Variants in PDZRN4 observed in about 807,000 individuals in gnomAD.
PDZRN4 encodes PDZ domain-containing RING finger protein 4.
In PDZRN4, 70 loss-of-function variants were observed where a neutral mutation model predicts 99.0. That is an observed-to-expected ratio of 0.71 (90% CI 0.58 to 0.86). The LOEUF (loss-of-function observed/expected upper bound fraction) is 0.86. Among genes scored for constraint, PDZRN4 ranks in the 40% least tolerant of loss-of-function variants. The pLI is 0.00. For synonymous variants in PDZRN4, 551 were observed against 501.6 expected (o/e 1.10, Z -1.32); for missense variants, 1,474 against 1,331.2 (o/e 1.11, Z -1.67).
chr12:41,476,310 C>G (rs1312678054), intron 3 of PDZRN4, among the ~76,000 whole-genome samples: 2 of 152,176 alleles, frequency 1.3e-5, no homozygotes, highest in African/African-American at 2.4e-5. Flanking sequence ...GTATGCATTG[C>G]TAAAGAAACA....
At chr12:41,429,755 G>C (rs1361047006) in intron 3 of PDZRN4, among the ~76,000 whole-genome samples, 1 of 139,754 alleles carries the variant, frequency 7.2e-6, no homozygotes, top group Non-Finnish European at 1.5e-5. Flanking sequence ...TATAGTGCTG[G>C]AACAATGGCA....
At position 41,327,120 on chromosome 12, in the gene PDZRN4, T is replaced by G. The variant is rs149812816; in HGVS notation, c.843+132932T>G. Among the ~76,000 whole-genome samples the G allele has an allele frequency of 3.5e-3, 534 of 152,312 alleles. 4 individuals are homozygous for G. The highest frequency in any genetic ancestry group is 0.014 in the Middle Eastern group (4 of 294). ...TTAAGAAGGCTTTGTTTCTTTCGAATTTGAGTACATATTCTCCATTTTGCT... is the reference window on the plus strand; with the variant it reads ...TTAAGAAGGCTTTGTTTCTTTCGAAGTTGAGTACATATTCTCCATTTTGCT... On this transcript the variant is annotated intron_variant, in intron 3 of 9. Coordinates refer to ENST00000402685, the MANE Select transcript of PDZRN4 (RefSeq NM_001164595.2).
At chr12:41,559,825 A>G (rs1939236798) in intron 7 of PDZRN4, among the ~76,000 whole-genome samples, 1 of 152,132 alleles carries the variant, frequency 6.6e-6, no homozygotes, top group Non-Finnish European at 1.5e-5. Flanking sequence ...GGTTACTCCC[A>G]TGCTGTTCTC....
chr12:41,333,352 G>A (rs1283870076), intron 3 of PDZRN4, among the ~76,000 whole-genome samples: 3 of 151,986 alleles, frequency 2.0e-5, no homozygotes, highest in East Asian at 1.9e-4. Context: ...CCTCACGACC[G>A]CCACCCCCAA....
chr12:41,197,831 T>C (rs1399504708), intron 3 of PDZRN4, among the ~76,000 whole-genome samples: 1 of 152,080 alleles, frequency 6.6e-6, no homozygotes, highest in Non-Finnish European at 1.5e-5. Flanking sequence ...GGGAGGGAGT[T>C]GAGAAACAAA....
At chr12:41,451,955 A>G (rs1285028408) in intron 3 of PDZRN4, among the ~76,000 whole-genome samples, 7 of 152,200 alleles carry the variant, frequency 4.6e-5, no homozygotes, top group Non-Finnish European at 8.8e-5. Flanking sequence ...CTTTCTGGCC[A>G]GTATTATCTG....
At chr12:41,364,406 G>C (rs2066205513) in intron 3 of PDZRN4, among the ~76,000 whole-genome samples, 1 of 151,956 alleles carries the variant, frequency 6.6e-6, no homozygotes, top group Non-Finnish European at 1.5e-5. Context: ...GATGAAGTGG[G>C]GTGACAGGGC....
chr12:41,406,115 T>G (rs1952347137), intron 3 of PDZRN4, among the ~76,000 whole-genome samples: 1 of 152,200 alleles, frequency 6.6e-6, no homozygotes, highest in Admixed American at 6.5e-5. Flanking sequence ...ATTTCAATAA[T>G]AAAAAACATT....
chr12:41,517,394 AG>A (rs2120704406), intron 5 of PDZRN4, among the ~76,000 whole-genome samples: 1 of 152,218 alleles, frequency 6.6e-6, no homozygotes, highest in Non-Finnish European at 1.5e-5. Flanking sequence ...TGTCTGTGAA[AG>A]GTTGTGTTTA....
intron 5 of PDZRN4, among the ~76,000 whole-genome samples, chr12:41,533,777 C>T (rs1232342474): frequency 6.6e-6 from 1 of 151,958 alleles, no homozygotes; most frequent in African/African-American, 2.4e-5. Context: ...ATCTTTTGTT[C>T]TATTTACACT....
chr12:41,188,736 T>A lies in PDZRN4; in HGVS notation c.281T>A (p.Leu94Gln), dbSNP rs1291331052. The A allele has an allele frequency of 6.5e-7, 1 of 1,544,832 alleles. No individual in the cohort carries two copies. Among genetic ancestry groups the A allele is most frequent in the Admixed American group, 1.8e-5 (1 of 54,660 alleles). Reference sequence around the variant, plus strand: ...CGCGGCTGCGGCCACTCGGTCAGGCTGCACGAGCTGGAGGCGCACGTCGAG... The same window carrying A: ...CGCGGCTGCGGCCACTCGGTCAGGCAGCACGAGCTGGAGGCGCACGTCGAG... ...RARGCGHSVR[L>Q]HELEAHVEHC... The change falls in exon 1 of 10, where the codon CTG becomes CAG. Residue 94 changes from leucine to glutamine, a missense_variant. Coordinates refer to ENST00000402685, the MANE Select transcript of PDZRN4 (RefSeq NM_001164595.2).
chr12:41,452,655 G>A (rs372331203), intron 3 of PDZRN4, among the ~76,000 whole-genome samples: 2 of 152,040 alleles, frequency 1.3e-5, no homozygotes, highest in South Asian at 2.1e-4. Flanking sequence ...TTTACTTAAA[G>A]TGTTAAATGC....
intron 3 of PDZRN4, among the ~76,000 whole-genome samples, chr12:41,261,343 C>G (rs1406913119): frequency 1.3e-5 from 2 of 152,166 alleles, no homozygotes; most frequent in Non-Finnish European, 2.9e-5. Context: ...AAGCCCCATT[C>G]CATGTGGATT....
intron 5 of PDZRN4, among the ~76,000 whole-genome samples, chr12:41,518,039 C>A (rs1437102962): frequency 2.6e-5 from 4 of 151,990 alleles, no homozygotes; most frequent in Non-Finnish European, 5.9e-5. Flanking sequence ...TTTAAAAATA[C>A]AGAAAATAAT....
chr12:41,324,501 T>C (rs915296917), intron 3 of PDZRN4, among the ~76,000 whole-genome samples: 2 of 152,094 alleles, frequency 1.3e-5, no homozygotes, highest in Admixed American at 6.6e-5. Flanking sequence ...CTACATATTT[T>C]CTCTTGTGTC....
At chr12:41,372,684 T>C (rs796089666) in intron 3 of PDZRN4, among the ~76,000 whole-genome samples, 40 of 151,732 alleles carry the variant, frequency 2.6e-4, no homozygotes, top group African/African-American at 9.4e-4. Flanking sequence ...GACTGAGGAG[T>C]TGGGGGTTGA....
intron 3 of PDZRN4, among the ~76,000 whole-genome samples, chr12:41,462,713 G>C (rs1195208601): frequency 6.6e-6 from 1 of 152,086 alleles, no homozygotes; most frequent in Non-Finnish European, 1.5e-5. Context: ...ATGAGGGGGA[G>C]ACTCCTTTGC....
intron 3 of PDZRN4, among the ~76,000 whole-genome samples, chr12:41,436,231 C>A (rs998928995): frequency 6.6e-6 from 1 of 152,120 alleles, no homozygotes; most frequent in Non-Finnish European, 1.5e-5. Flanking sequence ...TGGCTTTCAT[C>A]CAGGCTGTTA....
chr12:41,236,316 T>C (rs1951066374), intron 3 of PDZRN4, among the ~76,000 whole-genome samples: 1 of 152,072 alleles, frequency 6.6e-6, no homozygotes, highest in African/African-American at 2.4e-5. Flanking sequence ...CAGATGTGTA[T>C]GACAGAGTGA....
Sources: allele counts gnomAD v4.1 joint callset (sites outside exome capture counted in the v4.1 genomes callset), GRCh38; gene constraint gnomAD v4.1.1; transcripts MANE v1.5; gene names NCBI Gene and HGNC (gene_info 2026-07-23, HGNC 2026-07-21).